Variants in IGFLR1 observed in about 807,000 individuals in gnomAD.
IGFLR1 encodes the protein IGF like family receptor 1, also known as IGF-like family receptor 1.
Under a neutral mutation model 23.4 loss-of-function variants are expected in IGFLR1, and 17 were observed. The observed-to-expected ratio is 0.73, with a 90% CI of 0.50 to 1.09. The LOEUF (loss-of-function observed/expected upper bound fraction) is 1.09, where lower values mean the gene tolerates loss of function less well. IGFLR1 is among the 50% of genes least tolerant of loss of function. The pLI, the probability that IGFLR1 is intolerant of heterozygous loss-of-function variation, is 0.00. For synonymous variants in IGFLR1, 265 were observed against 210.7 expected (o/e 1.26, Z -2.23); for missense variants, 556 against 459.2 (o/e 1.21, Z -1.93).
At chr19:35,740,689 C>T (rs1970168994) in intron 2 of IGFLR1, 125 bp from the exon 3 acceptor site, 2 of 924,994 alleles carry the variant, frequency 2.2e-6, no homozygotes, top group Non-Finnish European at 3.2e-6. Flanking sequence ...TTAGCGTGCG[C>T]CCCGGTCTTG....
intron 2 of IGFLR1, 50 bp from the exon 3 acceptor site, chr19:35,740,614 G>T (rs755644045): frequency 6.5e-7 from 1 of 1,532,032 alleles, no homozygotes; most frequent in Non-Finnish European, 8.8e-7. Context: ...GCCCCTGCGC[G>T]GGCAACGCCC....
chr19:35,741,946 T>C (rs1970265701), intron 1 of IGFLR1, among the ~76,000 whole-genome samples: 1 of 152,158 alleles, frequency 6.6e-6, no homozygotes, highest in African/African-American at 2.4e-5. Context: ...ACCCTGTCTC[T>C]ATTAAAAATA....
rs1362590406 is a variant in IGFLR1 at position 35,739,646 on chromosome 19, T to C, written c.722-20A>G. The C allele has an allele frequency of 1.3e-6, 2 of 1,596,012 alleles. No individual in the cohort carries two copies. The highest frequency in any genetic ancestry group is 1.7e-6 in the Non-Finnish European group (2 of 1,167,548). On this transcript the variant is annotated intron_variant, in intron 4 of 4. Coordinates refer to ENST00000246532, the MANE Select transcript of IGFLR1 (RefSeq NM_024660.4). ...ACAGTTCTGGAAGAAAGGGGAAGGG[T>C]AAAGGTGCGGAAGAGCGGGCGTCCA...
chr19:35,740,258 C>G (rs962918997), intron 3 of IGFLR1, 122 bp downstream of exon 3: 2 of 1,334,460 alleles, frequency 1.5e-6, no homozygotes, highest in Non-Finnish European at 2.0e-6. Flanking sequence ...CCTCCCGACC[C>G]CTGCAGGCCA....
rs1182756039 is a variant in IGFLR1 at position 35,739,154 on chromosome 19, C to T, written c.*126G>A. The T allele has an allele frequency of 1.0e-6, 1 of 955,030 alleles. No homozygotes were observed. The highest frequency in any genetic ancestry group is 1.7e-5 in the African/African-American group (1 of 60,216). 59.2% of individuals were successfully genotyped at this position (955,030 alleles called of 1,614,324 possible). ...GCCCTGTGTGTATGTTGGAATAGGC[C>T]CTTCTAGGGCGAAGAGCAGTGAGGC... On this transcript the variant is annotated 3_prime_UTR_variant, in exon 5 of 5. Transcript: ENST00000246532.
Position 35,740,554 on chromosome 19 carries a change from G to C in IGFLR1, c.168C>G (p.Phe56Leu), listed in dbSNP as rs780089204. ...FGPPPCPDYE[F>L]RENCGLNDHG... is the part of the protein sequence containing the mutation. Reference sequence around the variant, plus strand: ...GGTCATTGAGTCCGCAGTTTTCCCGGAACTCATAGTCTAGCGGGAAAGCTG... The same window carrying C: ...GGTCATTGAGTCCGCAGTTTTCCCGCAACTCATAGTCTAGCGGGAAAGCTG... The change falls in exon 3 of 5, where the codon TTC (phenylalanine) becomes TTG (leucine). Residue 56 changes from phenylalanine (F) to leucine (L), a missense_variant. Transcript: ENST00000246532. The C allele has an allele frequency of 6.2e-7, 1 of 1,606,392 alleles. No homozygotes were observed. Among genetic ancestry groups the C allele is most frequent in the Non-Finnish European group, 8.5e-7 (1 of 1,176,524 alleles).
In IGFLR1 at chr19:35,740,406, C is replaced by T. The variant is rs1380357127; in HGVS notation, c.316G>A (p.Gly106Ser). Residue 106 changes from glycine to serine, a missense_variant, in exon 3 of 5, where the codon GGC (glycine) becomes AGC (serine). Gly to Ser is a moderately conservative substitution (Grantham distance 56). Coordinates refer to ENST00000246532, the MANE Select transcript of IGFLR1 (RefSeq NM_024660.4). ...AVTPTPAAGGGRTPWRCRERP... is the reference protein window; with the variant it reads ...AVTPTPAAGGSRTPWRCRERP... ...TCTCTGCAGCGCCACGGGGTTCTGC[C>T]CCCGCCCGCGGCGGGAGTAGGGGTC... 6.2e-7 allele frequency: 1 copy of T among 1,605,330 alleles called. No individual in the cohort carries two copies. Among genetic ancestry groups the T allele is most frequent in the Non-Finnish European group, 8.5e-7 (1 of 1,176,614 alleles).
chr19:35,740,103 T>C lies in IGFLR1; in HGVS notation c.343-15A>G, dbSNP rs768308457. Reference sequence around the variant, plus strand: ...GGGACCGGCCTCTGGGGATAAGGGGTTGGAGTAAAGCTGGAGGCCACACTC... The same window carrying C: ...GGGACCGGCCTCTGGGGATAAGGGGCTGGAGTAAAGCTGGAGGCCACACTC... On this transcript the variant is annotated splice_polypyrimidine_tract_variant and intron_variant, in intron 3 of 4. Transcript: ENST00000246532. 2.5e-6 allele frequency: 4 copies of C among 1,601,134 alleles called. No individual in the cohort carries two copies. In the African/African-American group the frequency reaches 5.4e-5, roughly 22 times the overall value.
chr19:35,741,403 A>G, intron 1 of IGFLR1, 180 bp from the exon 2 acceptor site: 1 of 606,398 alleles, frequency 1.6e-6, no homozygotes, highest in Non-Finnish European at 2.9e-6. Flanking sequence ...CTAGATTGCA[A>G]GAATGCATAT....
chr19:35,740,600 G>C (rs764503885), intron 2 of IGFLR1, 36 bp from the exon 3 acceptor site: 12 of 1,559,788 alleles, frequency 7.7e-6, no homozygotes, highest in Non-Finnish European at 1.0e-5. Context: ...CGGCCGCCTA[G>C]CCCGCCCCTG....
rs1322484109 is a variant in IGFLR1 at position 35,741,024 on chromosome 19, C to T, written c.157G>A (p.Asp53Asn). The T allele has an allele frequency of 4.3e-6, 7 of 1,611,618 alleles. No homozygotes were observed. Among genetic ancestry groups the T allele is most frequent in the Non-Finnish European group, 5.9e-6 (7 of 1,179,266 alleles). ...GCAAGGCTCGGTCTCGGATTCTCAC[C>T]CGGGCAGGGGGGCGGCCCGAAGCGT... is the stretch of plus-strand genomic sequence containing the variant. ...LQRFGPPPCPDYEFRENCGLN... is the reference protein window; with the variant it reads ...LQRFGPPPCPNYEFRENCGLN... The change falls in exon 2 of 5, where the codon GAC (aspartate) becomes AAC (asparagine). Residue 53 changes from aspartate to asparagine, a missense_variant and splice_region_variant. Transcript: ENST00000246532.
chr19:35,740,667 G>T (rs1481541483), intron 2 of IGFLR1, 103 bp from the exon 3 acceptor site: 4 of 1,140,918 alleles, frequency 3.5e-6, no homozygotes, highest in Admixed American at 5.6e-5. Flanking sequence ...CCTCCAGGAC[G>T]CTTCCAGCCT....
Position 35,738,929 on chromosome 19 carries a change from C to G in IGFLR1, c.*351G>C. On this transcript the variant is annotated 3_prime_UTR_variant, in exon 5 of 5. Coordinates refer to ENST00000246532, the MANE Select transcript of IGFLR1 (RefSeq NM_024660.4). This position sits in a 1 kb window ranked among gnomAD's most constrained non-coding sequence, Gnocchi z 8.7. ...GTGGGGGCAGGTAGGAACCCCACTTCTACACACCCACCCATCATGACCCAA... is the reference window on the plus strand; with the variant it reads ...GTGGGGGCAGGTAGGAACCCCACTTGTACACACCCACCCATCATGACCCAA... 2 of 452,618 alleles carry G rather than the reference C, an allele frequency of 4.4e-6. No individual in the cohort carries two copies. The highest frequency in any genetic ancestry group is 7.9e-6 in the Non-Finnish European group (2 of 253,530). The allele number at this position is 452,618 out of a possible 1,614,324, so 28.0% of individuals were successfully genotyped here.
intron 2 of IGFLR1, 195 bp downstream of exon 2, chr19:35,740,829 C>T: frequency 1.5e-6 from 1 of 649,978 alleles, no homozygotes; most frequent in Non-Finnish European, 2.6e-6. Context: ...CCAGCCATAT[C>T]CATTCGCTGT....
chr19:35,740,132 T>A (rs1230877028), intron 3 of IGFLR1, 44 bp from the exon 4 acceptor site: 1 of 1,545,324 alleles, frequency 6.5e-7, no homozygotes, highest in East Asian at 2.3e-5. Context: ...CACACTCCAC[T>A]CCTGCCCGCT....
chr19:35,740,238 T>A, intron 3 of IGFLR1, 142 bp downstream of exon 3: 1 of 1,318,794 alleles, frequency 7.6e-7, no homozygotes, highest in Non-Finnish European at 1.0e-6. Flanking sequence ...CCAACTACCT[T>A]AACCTAGGAC....
In IGFLR1 at chr19:35,739,428, G is replaced by T; in HGVS notation, c.920C>A (p.Ser307Ter). 6.2e-7 allele frequency: 1 copy of T among 1,613,800 alleles called. No individual in the cohort carries two copies. The highest frequency in any genetic ancestry group is 8.5e-7 in the Non-Finnish European group (1 of 1,179,880). ...CATCTCAATCAGAGCCCGCAGCGGC[G>T]AGCGACTCGGCCTCAGCGAATAGGC... ...TFAYSLRPSRSPLRALIEMVV... is the reference protein window; with the variant it reads ...TFAYSLRPSR The change falls in exon 5 of 5, where the codon TCG becomes TAG. Residue 307 changes from serine (S) to a stop codon, truncating the protein, a stop_gained. Transcript: ENST00000246532. LOFTEE classifies it low-confidence loss of function (END_TRUNC).
chr19:35,741,539 C>A (rs1290686193), intron 1 of IGFLR1: 3 of 250,846 alleles, frequency 1.2e-5, no homozygotes, highest in Non-Finnish European at 1.5e-5. Flanking sequence ...AAAGCAGGGG[C>A]TGGGTGTGGT....
intron 1 of IGFLR1, 32 bp downstream of exon 1, chr19:35,742,364 T>G (rs930863115): frequency 2.0e-5 from 30 of 1,495,224 alleles, no homozygotes; most frequent in Admixed American, 1.5e-4. Flanking sequence ...GCTAAGGTTT[T>G]CAGCACAAAG....
Sources: allele counts gnomAD v4.1 joint callset (sites outside exome capture counted in the v4.1 genomes callset), GRCh38; gene constraint gnomAD v4.1.1; non-coding constraint Gnocchi (gnomAD v3.1); transcripts MANE v1.5; gene names NCBI Gene and HGNC (gene_info 2026-07-23, HGNC 2026-07-21).